TMEM63C: variants seen among roughly 807,000 people sequenced by gnomAD.
TMEM63C encodes the protein osmosensitive cation channel TMEM63C.
In TMEM63C, 32 loss-of-function variants were observed where a neutral mutation model predicts 99.2. That is an observed-to-expected ratio of 0.32 (90% CI 0.24 to 0.43). The LOEUF (loss-of-function observed/expected upper bound fraction) is 0.43. Ranked by LOEUF, TMEM63C falls within the 20% of genes least tolerant of loss-of-function variation. The pLI, the probability that TMEM63C is intolerant of heterozygous loss-of-function variation, is 1.00. For missense variants in TMEM63C, 826 were observed against 1,053.0 expected (o/e 0.78, Z 2.98); for synonymous variants, 376 against 397.9 (o/e 0.94, Z 0.66).
chr14:77,215,614 A>AAAAAAAAGAAAAGAAAAG (rs772701077), intron 2 of TMEM63C, among the ~76,000 whole-genome samples: 68 of 76,554 alleles, frequency 8.9e-4, no homozygotes, highest in African/African-American at 3.5e-3. Context: ...AAAAAAAAAA[A>AAAAAAAAGAAAAGAAAAG]AAAAGAAAAG....
Position 77,240,512 on chromosome 14 carries a change from A to G in TMEM63C, c.968A>G (p.Gln323Arg), listed in dbSNP as rs1889148509. 6.2e-7 allele frequency: 1 copy of G among 1,611,708 alleles called. No homozygotes were observed. Among genetic ancestry groups the G allele is most frequent in the African/African-American group, 1.3e-5 (1 of 74,934 alleles). ...CAGTATTACAGCGAGCTAGAGGAGC[A>G]GCTAACGGACGAGTTCAACGCCGAG... ...AEQYYSELEE[Q>R]LTDEFNAELN... Residue 323 changes from glutamine to arginine, a missense_variant, in exon 13 of 24, where the codon CAG becomes CGG. Physicochemically the swap from Gln to Arg is conservative, Grantham distance 43 (BLOSUM62 1). Coordinates refer to ENST00000298351, the MANE Select transcript of TMEM63C (RefSeq NM_020431.4).
At chr14:77,246,784 A>T in intron 18 of TMEM63C, 110 bp downstream of exon 18, 1 of 869,630 alleles carries the variant, frequency 1.1e-6, no homozygotes. Context: ...GTGTAGACAA[A>T]TGCTTGTGAA....
chr14:77,248,408 C>G lies in TMEM63C; in HGVS notation c.1663C>G (p.Leu555Val), dbSNP rs1489794814. 1 of 1,604,952 alleles carries G rather than the reference C, an allele frequency of 6.2e-7. No individual in the cohort carries two copies. Residue 555 changes from leucine (L) to valine (V), a missense_variant, in exon 19 of 24, where the codon CTT becomes GTT. Physicochemically the swap from Leu to Val is conservative, Grantham distance 32. Transcript: ENST00000298351. Reference sequence around the variant, plus strand: ...CAACTACGTGATCACGGCAGCTTTACTTGGCACAGGCATGGAGCTGCTGCG... The same window carrying G: ...CAACTACGTGATCACGGCAGCTTTAGTTGGCACAGGCATGGAGCTGCTGCG... The part of the protein sequence containing the change: ...FVNYVITAAL[L>V]GTGMELLRLG...
In TMEM63C at chr14:77,244,435, C is replaced by T; in HGVS notation, c.1428C>T (p.Phe476=). 4 of 1,613,890 alleles carry T rather than the reference C, an allele frequency of 2.5e-6. No homozygotes were observed. Among genetic ancestry groups the T allele is most frequent in the South Asian group, 2.2e-5 (2 of 91,090 alleles). ...ILPLIVYFSA[F]LEAHWTRSSQ... The stretch of plus-strand genomic sequence containing the variant: ...CTCTGATTGTCTACTTCTCCGCCTT[C>T]CTCGAGGCCCACTGGACCAGGTGAC... The change falls in exon 16 of 24, where the codon TTC becomes TTT. Residue 476 remains phenylalanine (F), a synonymous_variant. Coordinates refer to ENST00000298351, the MANE Select transcript of TMEM63C (RefSeq NM_020431.4).
chr14:77,242,049 G>A (rs1428989463), intron 13 of TMEM63C, among the ~76,000 whole-genome samples: 1 of 152,142 alleles, frequency 6.6e-6, no homozygotes, highest in Non-Finnish European at 1.5e-5. Flanking sequence ...GAAAGAGTGT[G>A]TTTATGTGCT....
At chr14:77,238,548 C>G (rs536933145) in intron 9 of TMEM63C, 146 bp from the exon 10 acceptor site, 1 of 668,156 alleles carries the variant, frequency 1.5e-6, no homozygotes, top group East Asian at 2.7e-5. Flanking sequence ...TTGGCTCTGG[C>G]TTTCTTGGCT....
At chr14:77,223,876 G>T (rs568973555) in intron 5 of TMEM63C, among the ~76,000 whole-genome samples, 3 of 152,234 alleles carry the variant, frequency 2.0e-5, no homozygotes, top group South Asian at 4.2e-4. Flanking sequence ...AAAGCTACTT[G>T]TTCCCTTAGT....
intron 22 of TMEM63C, among the ~76,000 whole-genome samples, chr14:77,252,335 T>C (rs1033825795): frequency 2.0e-5 from 3 of 152,194 alleles, no homozygotes; most frequent in African/African-American, 7.2e-5. Context: ...CCCCAGGCTA[T>C]TGAACTTGAG....
chr14:77,190,931 C>A (rs1447467644), intron 1 of TMEM63C, among the ~76,000 whole-genome samples: 1 of 151,338 alleles, frequency 6.6e-6, no homozygotes, highest in Admixed American at 6.6e-5. Flanking sequence ...CTAAATTTAT[C>A]AAAATTGTAG....
chr14:77,192,454 G>T (rs1344423530), intron 1 of TMEM63C, among the ~76,000 whole-genome samples: 2 of 152,104 alleles, frequency 1.3e-5, no homozygotes, highest in African/African-American at 4.8e-5. Flanking sequence ...GAATTTAGAG[G>T]GAGGATTGTT....
intron 5 of TMEM63C, 40 bp from the exon 6 acceptor site, chr14:77,225,384 G>A: frequency 6.2e-7 from 1 of 1,609,886 alleles, no homozygotes; most frequent in East Asian, 2.2e-5. Context: ...GGGCAGGCCA[G>A]GACCTGGGTT....
At position 77,219,596 on chromosome 14, in the gene TMEM63C, G is replaced by T; in HGVS notation, c.230+19G>T. The T allele has an allele frequency of 6.2e-7, 1 of 1,613,312 alleles. No individual in the cohort carries two copies. On this transcript the variant is annotated intron_variant, in intron 4 of 23. Coordinates refer to ENST00000298351, the MANE Select transcript of TMEM63C (RefSeq NM_020431.4). Reference sequence around the variant, plus strand: ...ATGACAGGTGAGGAGGGGTCGAGATGGGTGAGCCGTTGCCCCCTTGGGGAA... The same window carrying T: ...ATGACAGGTGAGGAGGGGTCGAGATTGGTGAGCCGTTGCCCCCTTGGGGAA...
intron 23 of TMEM63C, among the ~76,000 whole-genome samples, chr14:77,255,408 G>A (rs887927241): frequency 6.6e-6 from 1 of 152,226 alleles, no homozygotes; most frequent in Non-Finnish European, 1.5e-5. Flanking sequence ...TTTAGAGCTT[G>A]TCCAACCCAA....
intron 1 of TMEM63C, among the ~76,000 whole-genome samples, chr14:77,211,381 T>C (rs1888494780): frequency 6.6e-6 from 1 of 152,226 alleles, no homozygotes; most frequent in African/African-American, 2.4e-5. Context: ...GGGATGGTTC[T>C]CATACCCTAG....
chr14:77,242,977 T>G lies in TMEM63C; in HGVS notation c.1262T>G (p.Phe421Cys), dbSNP rs777651423. ...IAINTFLFFL[F>C]FFLTTPAIIM... ...ATCAACACCTTCCTCTTCTTCCTCT[T>G]CTTCTTTCTCACCACGCCTGCCATC... The change falls in exon 15 of 24, where the codon TTC becomes TGC. Residue 421 changes from phenylalanine to cysteine, a missense_variant. Physicochemically the swap from Phe to Cys is radical, Grantham distance 205. Transcript: ENST00000298351. The G allele has an allele frequency of 3.1e-6, 5 of 1,613,882 alleles. No individual in the cohort carries two copies. The African/African-American group carries it at 4.0e-5, about 13-fold the overall frequency.
chr14:77,239,366 TC>T, intron 10 of TMEM63C, 45 bp from the exon 11 acceptor site: 1 of 1,596,860 alleles, frequency 6.3e-7, no homozygotes, highest in Admixed American at 1.7e-5. Context: ...GGGCAGCACA[TC>T]CCCAACCCCA....
intron 7 of TMEM63C, among the ~76,000 whole-genome samples, chr14:77,232,631 G>A (rs529851406): frequency 6.6e-6 from 1 of 152,172 alleles, no homozygotes; most frequent in African/African-American, 2.4e-5. Context: ...TCAGTCTCCC[G>A]AGCTTTACTT....
chr14:77,186,303 G>A lies in TMEM63C; in HGVS notation c.-77+4409G>A, dbSNP rs540474697. On this transcript the variant is annotated intron_variant, in intron 1 of 23. Coordinates refer to ENST00000298351, the MANE Select transcript of TMEM63C (RefSeq NM_020431.4). Reference sequence around the variant, plus strand: ...GCTGGGATTACAGGAGTGAGCCAACGTGCCCAGCCAGACCATGCTTTTTTG... The same window carrying A: ...GCTGGGATTACAGGAGTGAGCCAACATGCCCAGCCAGACCATGCTTTTTTG... Among the ~76,000 whole-genome samples the A allele has an allele frequency of 1.2e-3, 183 of 152,226 alleles. 10 individuals are homozygous for A. The South Asian group carries it at 0.036, about 30-fold the overall frequency.
At chr14:77,210,066 C>A (rs1019121580) in intron 1 of TMEM63C, among the ~76,000 whole-genome samples, 1 of 152,188 alleles carries the variant, frequency 6.6e-6, no homozygotes, top group East Asian at 1.9e-4. Context: ...AATCTCTCCA[C>A]CCTCTCTCCT....
Sources: allele counts gnomAD v4.1 joint callset (sites outside exome capture counted in the v4.1 genomes callset), GRCh38; gene constraint gnomAD v4.1.1; transcripts MANE v1.5; gene names NCBI Gene and HGNC (gene_info 2026-07-23, HGNC 2026-07-21).